Variants in GATAD2B observed in about 807,000 individuals in gnomAD.
The protein encoded by GATAD2B is GATA zinc finger domain containing 2B, also known as transcriptional repressor p66-beta.
In GATAD2B, 8 loss-of-function variants were observed where a neutral mutation model predicts 64.3. The observed-to-expected ratio is 0.12, with a 90% CI of 0.07 to 0.22. The LOEUF (loss-of-function observed/expected upper bound fraction) is 0.22. GATAD2B is among the 10% of genes least tolerant of loss of function. The probability of loss-of-function intolerance (pLI) is 1.00; values close to 1 mark genes in which losing one functional copy is unlikely to be tolerated. For missense variants in GATAD2B, 453 were observed against 752.0 expected (o/e 0.60, Z 4.65); for synonymous variants, 281 against 271.3 (o/e 1.04, Z -0.35).
chr1:153,852,113 G>A, intron 1 of GATAD2B: 1 of 633,316 alleles, frequency 1.6e-6, no homozygotes, highest in Non-Finnish European at 2.9e-6. Context: ...TGAGTTTTGT[G>A]CTCAGATCGC....
rs1307309407 is a variant in GATAD2B at position 153,815,303 on chromosome 1, A to AG, written c.1216+969_1216+970insC. Among the ~76,000 whole-genome samples, 574 of 148,798 alleles carry AG rather than the reference A, an allele frequency of 3.9e-3. 7 individuals carry two copies. The highest frequency in any genetic ancestry group is 0.014 in the African/African-American group (560 of 40,332). ...AACAAAAAAAAAAAACAAAAAAAAA[A>AG]AAAAGAAAAGAGAAGTTCTATTTAT... On this transcript the variant is annotated intron_variant, in intron 7 of 10. Coordinates refer to ENST00000368655, the MANE Select transcript of GATAD2B (RefSeq NM_020699.4).
intron 1 of GATAD2B, among the ~76,000 whole-genome samples, chr1:153,863,640 T>C (rs994193377): frequency 1.3e-5 from 2 of 151,980 alleles, no homozygotes; most frequent in Non-Finnish European, 2.9e-5. Flanking sequence ...CTTTTTTTTT[T>C]CCAAGACAGA....
intron 1 of GATAD2B, among the ~76,000 whole-genome samples, chr1:153,861,503 T>C (rs1288652133): frequency 6.6e-6 from 1 of 150,800 alleles, no homozygotes. Flanking sequence ...ATTTAAAAAA[T>C]ACGGCCGGAC....
chr1:153,895,730 C>G (rs1485279795), intron 1 of GATAD2B, among the ~76,000 whole-genome samples: 3 of 152,118 alleles, frequency 2.0e-5, no homozygotes, highest in African/African-American at 4.8e-5. Context: ...CTTCCTTTAT[C>G]CATATAGCTT....
At chr1:153,835,761 C>T (rs1028094439) in intron 1 of GATAD2B, among the ~76,000 whole-genome samples, 5 of 152,078 alleles carry the variant, frequency 3.3e-5, no homozygotes, top group Admixed American at 1.3e-4. Context: ...CTTGCTCTGT[C>T]GTCCAGGCTG....
At chr1:153,917,304 G>T (rs1232508217) in intron 1 of GATAD2B, among the ~76,000 whole-genome samples, 3 of 151,600 alleles carry the variant, frequency 2.0e-5, no homozygotes, top group Non-Finnish European at 4.4e-5. Flanking sequence ...CACCATCTCG[G>T]CCAGGCTGGT....
chr1:153,908,782 GAAAAAAAAAA>G (rs1553199454), intron 1 of GATAD2B, among the ~76,000 whole-genome samples: 9 of 31,854 alleles, frequency 2.8e-4, no homozygotes, highest in African/African-American at 1.0e-3. Flanking sequence ...AACATACTTG[GAAAAAAAAAA>G]AAAAAAAAAA....
chr1:153,835,407 ACTT>A lies in GATAD2B; in HGVS notation c.-1-7062_-1-7060del, dbSNP rs533981960. 5.3e-5 allele frequency among the ~76,000 whole-genome samples: 8 copies of A among 152,120 alleles called. No homozygotes were observed. The South Asian group carries it at 1.7e-3, about 32-fold the overall frequency. The stretch of plus-strand genomic sequence containing the variant: ...AAAGGAGAGTCAATCCATGTGGCAA[ACTT>A]CATCATCTTATTTTAAGAAACTGCC... On this transcript the variant is annotated intron_variant, in intron 1 of 10. Transcript: ENST00000368655.
intron 1 of GATAD2B, chr1:153,852,758 G>A: frequency 1.1e-6 from 1 of 931,196 alleles, no homozygotes; most frequent in Non-Finnish European, 1.8e-6. Flanking sequence ...TTGGTAGACA[G>A]GGATCCCAGT....
At chr1:153,881,720 T>G (rs1557820209) in intron 1 of GATAD2B, among the ~76,000 whole-genome samples, 1 of 152,004 alleles carries the variant, frequency 6.6e-6, no homozygotes, top group Non-Finnish European at 1.5e-5. Context: ...GTGAGAGAGA[T>G]AAGAAATAGA....
At chr1:153,830,340 G>A (rs1381785865) in intron 1 of GATAD2B, among the ~76,000 whole-genome samples, 1 of 151,864 alleles carries the variant, frequency 6.6e-6, no homozygotes, top group African/African-American at 2.4e-5. Flanking sequence ...TAGAGACAGG[G>A]TTTCACCATG....
At chr1:153,847,587 C>A (rs1675732949) in intron 1 of GATAD2B, among the ~76,000 whole-genome samples, 1 of 152,090 alleles carries the variant, frequency 6.6e-6, no homozygotes, top group African/African-American at 2.4e-5. Context: ...TGGCTGCTTT[C>A]ATAAGATCTT....
chr1:153,829,915 C>T (rs1158544399), intron 1 of GATAD2B, among the ~76,000 whole-genome samples: 3 of 152,046 alleles, frequency 2.0e-5, no homozygotes, highest in African/African-American at 7.2e-5. Flanking sequence ...GCCTGGCCAA[C>T]ATGGTGAAAC....
At chr1:153,845,151 G>A (rs1052424331) in intron 1 of GATAD2B, among the ~76,000 whole-genome samples, 8 of 152,116 alleles carry the variant, frequency 5.3e-5, no homozygotes, top group African/African-American at 2.4e-5. Context: ...CAGTGTCTGA[G>A]ATGAAAACTA....
intron 1 of GATAD2B, among the ~76,000 whole-genome samples, chr1:153,846,175 A>T (rs970921558): frequency 4.6e-5 from 7 of 152,164 alleles, no homozygotes; most frequent in East Asian, 3.9e-4. Context: ...GATCACTAAC[A>T]TATTTAGTTT....
At chr1:153,862,097 G>A (rs903093874) in intron 1 of GATAD2B, among the ~76,000 whole-genome samples, 5 of 137,774 alleles carry the variant, frequency 3.6e-5, no homozygotes, top group East Asian at 2.1e-4. Context: ...AGTTTACAAC[G>A]TATTTTACAT....
chr1:153,830,634 C>A (rs1013070133), intron 1 of GATAD2B, among the ~76,000 whole-genome samples: 1 of 150,062 alleles, frequency 6.7e-6, no homozygotes, highest in African/African-American at 2.4e-5. Context: ...CGCCACTACG[C>A]CCGGCTAATT....
At chr1:153,850,387 C>A (rs2101909834) in intron 1 of GATAD2B, among the ~76,000 whole-genome samples, 2 of 152,224 alleles carry the variant, frequency 1.3e-5, no homozygotes, top group South Asian at 4.1e-4. Context: ...GCAGCCTTCA[C>A]CTCCCGGGTT....
At chr1:153,908,783 A>G (rs12027760) in intron 1 of GATAD2B, among the ~76,000 whole-genome samples, 15,122 of 121,082 alleles carry the variant, frequency 0.12, 1,189 homozygotes, top group East Asian at 0.46. Context: ...ACATACTTGG[A>G]AAAAAAAAAA....
Sources: allele counts gnomAD v4.1 joint callset (sites outside exome capture counted in the v4.1 genomes callset), GRCh38; gene constraint gnomAD v4.1.1; transcripts MANE v1.5; gene names NCBI Gene and HGNC (gene_info 2026-07-23, HGNC 2026-07-21).